SOX5: variants seen among roughly 807,000 people sequenced by gnomAD.
The protein encoded by SOX5 is transcription factor SOX-5.
A neutral mutation model predicts 92.0 loss-of-function variants in SOX5; 9 were observed. That is an observed-to-expected ratio of 0.10 (90% CI 0.06 to 0.17). The LOEUF (loss-of-function observed/expected upper bound fraction) is 0.17, where lower values mean the gene tolerates loss of function less well. Among genes scored for constraint, SOX5 ranks in the 10% least tolerant of loss-of-function variants. SOX5 has a pLI of 1.00. For synonymous variants in SOX5, 344 were observed against 336.3 expected, an observed-to-expected ratio of 1.02 and a Z score of -0.25; for missense variants, 642 against 944.5, an observed-to-expected ratio of 0.68 and a Z score of 4.20.
chr12:24,427,100 A>C (rs533214723), intron 1 of SOX5, among the ~76,000 whole-genome samples: 1 of 152,378 alleles, frequency 6.6e-6, no homozygotes, highest in East Asian at 1.9e-4. Context: ...TAATATCCAC[A>C]GTACCTATTA....
chr12:24,039,033 G>C (rs936481344), intron 4 of SOX5, among the ~76,000 whole-genome samples: 2 of 152,018 alleles, frequency 1.3e-5, no homozygotes, highest in African/African-American at 4.8e-5. Flanking sequence ...TTATGTATAG[G>C]ATATCCAATA....
At chr12:23,986,925 C>T (rs868357801) in intron 4 of SOX5, among the ~76,000 whole-genome samples, 6 of 151,968 alleles carry the variant, frequency 3.9e-5, no homozygotes, top group African/African-American at 1.5e-4. Context: ...TCTTTTTGTG[C>T]TAAAGACTCA....
intron 8 of SOX5, among the ~76,000 whole-genome samples, chr12:23,639,196 T>A (rs1208450563): frequency 6.6e-6 from 1 of 152,056 alleles, no homozygotes; most frequent in Non-Finnish European, 1.5e-5. Flanking sequence ...TATCTTGAGA[T>A]AATCTCATAT....
At chr12:23,837,314 TA>T (rs1415310915) in intron 3 of SOX5, among the ~76,000 whole-genome samples, 1 of 98,608 alleles carries the variant, frequency 1.0e-5, no homozygotes, top group Non-Finnish European at 1.8e-5. Context: ...AAGATATATT[TA>T]TATTTATATA....
chr12:24,404,152 G>A (rs759151967), intron 1 of SOX5, among the ~76,000 whole-genome samples: 3 of 152,082 alleles, frequency 2.0e-5, no homozygotes, highest in Non-Finnish European at 4.4e-5. Context: ...AATGCCTGCA[G>A]GAACTTTATA....
intron 1 of SOX5, among the ~76,000 whole-genome samples, chr12:24,456,708 G>A (rs751472441): frequency 1.2e-4 from 19 of 152,072 alleles, no homozygotes; most frequent in Non-Finnish European, 2.4e-4. Context: ...ATAAACATTC[G>A]CTATCTCCCT....
chr12:24,522,933 G>GA (rs1162330925), intron 1 of SOX5, among the ~76,000 whole-genome samples: 6 of 149,648 alleles, frequency 4.0e-5, no homozygotes, highest in African/African-American at 1.2e-4. Flanking sequence ...GCAACGTAAG[G>GA]AAAAAAAAAG....
chr12:24,419,438 C>A (rs1566117520), intron 1 of SOX5, among the ~76,000 whole-genome samples: 1 of 152,154 alleles, frequency 6.6e-6, no homozygotes, highest in Non-Finnish European at 1.5e-5. Context: ...CCATGCACAG[C>A]CGAGTAGGGG....
intron 6 of SOX5, among the ~76,000 whole-genome samples, chr12:23,723,194 C>T (rs746742499): frequency 1.3e-5 from 2 of 150,842 alleles, no homozygotes; most frequent in Non-Finnish European, 3.0e-5. Flanking sequence ...TGTTTTCTTG[C>T]TCTCTCTCTC....
chr12:23,584,528 A>G lies in SOX5; in HGVS notation c.1165-8690T>C. The stretch of plus-strand genomic sequence containing the variant: ...CTCCAATTAATTACATCAAAGAGTC[A>G]TTCCCAGTGCTCACATACATGCATG... On this transcript the variant is annotated intron_variant, in intron 9 of 14. Coordinates refer to ENST00000451604, the MANE Select transcript of SOX5 (RefSeq NM_006940.6). 2.6e-6 allele frequency: 4 copies of G among 1,563,942 alleles called. No homozygotes were observed. The South Asian group carries it at 4.4e-5, about 17-fold the overall frequency.
At chr12:23,878,144 A>T (rs1451533242) in intron 2 of SOX5, among the ~76,000 whole-genome samples, 1 of 152,080 alleles carries the variant, frequency 6.6e-6, no homozygotes, top group East Asian at 1.9e-4. Flanking sequence ...AAAGCATGTA[A>T]TTAATTTTGA....
rs73284937 is a variant in SOX5 at position 24,282,428 on chromosome 12, T to C, written c.-173-5116A>G. Among the ~76,000 whole-genome samples the C allele has an allele frequency of 7.3e-3, 1,070 of 147,284 alleles. 6 individuals are homozygous for C. The highest frequency in any genetic ancestry group is 0.025 in the African/African-American group (1,018 of 39,956). On this transcript the variant is annotated intron_variant, in intron 2 of 4. Transcript: ENST00000446891. Reference sequence around the variant, plus strand: ...TCAATATTCATCAGAAAAAAAGAAATAAAAAGCAATCTACAAAATGTTTAA... The same window carrying C: ...TCAATATTCATCAGAAAAAAAGAAACAAAAAGCAATCTACAAAATGTTTAA...
At chr12:23,684,601 G>A (rs1400882220) in intron 6 of SOX5, among the ~76,000 whole-genome samples, 1 of 152,120 alleles carries the variant, frequency 6.6e-6, no homozygotes, top group Non-Finnish European at 1.5e-5. Flanking sequence ...GTTTTGGTGT[G>A]TCTGGAAATA....
At chr12:23,967,748 T>G (rs1569309364) in intron 4 of SOX5, among the ~76,000 whole-genome samples, 2 of 152,134 alleles carry the variant, frequency 1.3e-5, no homozygotes, top group African/African-American at 4.8e-5. Context: ...TAGTAAAAAA[T>G]GATTAAAATT....
chr12:24,460,363 G>T (rs1253277247), intron 1 of SOX5, among the ~76,000 whole-genome samples: 2 of 152,190 alleles, frequency 1.3e-5, no homozygotes, highest in Non-Finnish European at 2.9e-5. Flanking sequence ...ATATGATAGT[G>T]TCTGTCACTG....
intron 4 of SOX5, among the ~76,000 whole-genome samples, chr12:23,995,943 GAT>G: frequency 6.6e-6 from 1 of 152,206 alleles, no homozygotes; most frequent in East Asian, 1.9e-4. Context: ...CTTACCTTGG[GAT>G]ATATGTCAGC....
intron 6 of SOX5, among the ~76,000 whole-genome samples, chr12:23,717,729 A>T (rs1040194806): frequency 6.6e-6 from 1 of 152,218 alleles, no homozygotes; most frequent in Admixed American, 6.5e-5. Context: ...AATAAAACTT[A>T]ACTGTGGTCA....
intron 3 of SOX5, among the ~76,000 whole-genome samples, chr12:24,229,257 G>T (rs1270321155): frequency 6.6e-6 from 1 of 152,192 alleles, no homozygotes; most frequent in Non-Finnish European, 1.5e-5. Context: ...AGCATGCCAG[G>T]GGGCTAATGT....
chr12:23,922,179 C>T (rs1280428020), intron 1 of SOX5, among the ~76,000 whole-genome samples: 6 of 152,172 alleles, frequency 3.9e-5, no homozygotes, highest in Non-Finnish European at 5.9e-5. Flanking sequence ...TTCTGGTACA[C>T]CTCCTTCTGA....
Sources: allele counts gnomAD v4.1 joint callset (sites outside exome capture counted in the v4.1 genomes callset), GRCh38; gene constraint gnomAD v4.1.1; transcripts MANE v1.5; gene names NCBI Gene and HGNC (gene_info 2026-07-23, HGNC 2026-07-21).